The following NAA15 variants were observed in gnomAD, a reference collection of about 807,000 sequenced individuals.
NAA15 encodes N-alpha-acetyltransferase 15, NatA auxiliary subunit.
A neutral mutation model predicts 114.0 loss-of-function variants in NAA15; 34 were observed. The ratio of observed to expected loss-of-function variants is 0.30; its 90% CI spans 0.23 to 0.40. The LOEUF (loss-of-function observed/expected upper bound fraction) is 0.40, where lower values mean the gene tolerates loss of function less well. NAA15 is among the 10% of genes least tolerant of loss of function. The probability of loss-of-function intolerance (pLI) is 1.00; values close to 1 mark genes in which losing one functional copy is unlikely to be tolerated. For missense variants in NAA15, 658 were observed against 1,004.5 expected (o/e 0.66, Z 4.66); for synonymous variants, 340 against 338.0 (o/e 1.01, Z -0.06).
At chr4:139,313,143 A>G (rs548830917) in intron 1 of NAA15, among the ~76,000 whole-genome samples, 3 of 151,988 alleles carry the variant, frequency 2.0e-5, no homozygotes, top group Non-Finnish European at 4.4e-5. Flanking sequence ...TAAAAGGAGA[A>G]GTGAAAGTTT....
At chr4:139,364,796 A>G (rs189052053) in intron 14 of NAA15, among the ~76,000 whole-genome samples, 20 of 152,298 alleles carry the variant, frequency 1.3e-4, no homozygotes, top group South Asian at 6.2e-4. Context: ...TCTTCCAGAA[A>G]GTTTCTGATA....
chr4:139,387,410 C>T (rs1400406034), intron 19 of NAA15, among the ~76,000 whole-genome samples: 1 of 152,186 alleles, frequency 6.6e-6, no homozygotes, highest in Non-Finnish European at 1.5e-5. Context: ...TTAAGTTGCT[C>T]TTTAATTTGA....
At chr4:139,306,390 G>A (rs1486436061) in intron 1 of NAA15, among the ~76,000 whole-genome samples, 2 of 142,288 alleles carry the variant, frequency 1.4e-5, no homozygotes, top group Non-Finnish European at 3.1e-5. Context: ...CACCACACTC[G>A]GCTAATTTTT....
chr4:139,347,955 C>T (rs919635502), intron 6 of NAA15, among the ~76,000 whole-genome samples: 1 of 150,822 alleles, frequency 6.6e-6, no homozygotes, highest in Admixed American at 6.6e-5. Flanking sequence ...TGGCGTGAAC[C>T]CGGGAAGCGG....
intron 15 of NAA15, among the ~76,000 whole-genome samples, chr4:139,370,745 A>G (rs1748413047): frequency 6.6e-6 from 1 of 152,190 alleles, no homozygotes; most frequent in Non-Finnish European, 1.5e-5. Flanking sequence ...TTTCTCATCT[A>G]TAAAATGGAA....
chr4:139,309,636 T>C (rs536508898), intron 1 of NAA15, among the ~76,000 whole-genome samples: 7 of 152,292 alleles, frequency 4.6e-5, no homozygotes, highest in South Asian at 2.1e-4. Context: ...TGAACAAATA[T>C]ATGTTTTTGT....
intron 14 of NAA15, among the ~76,000 whole-genome samples, chr4:139,364,550 CA>C (rs1170691329): frequency 6.6e-6 from 1 of 152,076 alleles, no homozygotes; most frequent in Non-Finnish European, 1.5e-5. Context: ...TCGCTGATTT[CA>C]AATGCTACCT....
At chr4:139,303,952 C>G (rs966369837) in intron 1 of NAA15, among the ~76,000 whole-genome samples, 8 of 152,166 alleles carry the variant, frequency 5.3e-5, no homozygotes, top group Admixed American at 4.6e-4. Context: ...GAGTCTCGCT[C>G]TGTCGCCCAG....
intron 16 of NAA15, 49 bp downstream of exon 16, chr4:139,376,522 CT>C: frequency 8.7e-7 from 1 of 1,149,902 alleles, no homozygotes; most frequent in South Asian, 1.2e-5. Flanking sequence ...CACTGTATTT[CT>C]TAGGTATAGT....
In NAA15 at chr4:139,336,904, TATGA is replaced by T; in HGVS notation, c.199_202del (p.Glu67TrpfsTer6). 6.2e-7 allele frequency: 1 copy of T among 1,604,724 alleles called. No individual in the cohort carries two copies. Among genetic ancestry groups the T allele is most frequent in the Non-Finnish European group, 8.5e-7 (1 of 1,175,274 alleles). On this transcript the variant is annotated frameshift_variant, in exon 3 of 20. Transcript: ENST00000296543. LOFTEE classifies it high-confidence loss of function. ...CTGTTTGGGGAAAAAGGAAGAAGCT[TATGA>T]ATTGGTTCGTAGAGGTTTGAGAAAT... is the stretch of plus-strand genomic sequence containing the variant.
chr4:139,335,562 C>T (rs1309743351), intron 2 of NAA15, among the ~76,000 whole-genome samples: 7 of 151,942 alleles, frequency 4.6e-5, no homozygotes, highest in Non-Finnish European at 1.0e-4. Flanking sequence ...GATGAGGTCT[C>T]ACCATGTTGG....
At chr4:139,346,798 G>T (rs372735451) in intron 6 of NAA15, among the ~76,000 whole-genome samples, 4 of 152,104 alleles carry the variant, frequency 2.6e-5, no homozygotes, top group African/African-American at 9.7e-5. Context: ...TGGGATTATA[G>T]GCGTGAGCCA....
chr4:139,362,524 C>T (rs1019458963), intron 14 of NAA15, among the ~76,000 whole-genome samples: 3 of 151,872 alleles, frequency 2.0e-5, no homozygotes, highest in Non-Finnish European at 2.9e-5. Context: ...CTGCCCACCT[C>T]GGCCTCCCAG....
At chr4:139,338,116 G>A (rs1243768896) in intron 3 of NAA15, among the ~76,000 whole-genome samples, 1 of 152,212 alleles carries the variant, frequency 6.6e-6, no homozygotes, top group Non-Finnish European at 1.5e-5. Context: ...ATTTTTAGGA[G>A]ATGAAGATGA....
chr4:139,357,287 C>A, intron 10 of NAA15, 99 bp from the exon 11 acceptor site: 1 of 977,874 alleles, frequency 1.0e-6, no homozygotes, highest in Middle Eastern at 2.1e-4. Flanking sequence ...AAACTCCTTT[C>A]ATAGTACCTC....
chr4:139,303,153 G>A (rs1745870015), intron 1 of NAA15, among the ~76,000 whole-genome samples: 1 of 152,182 alleles, frequency 6.6e-6, no homozygotes, highest in African/African-American at 2.4e-5. Context: ...ACATTAGAAA[G>A]TCACATGCAG....
chr4:139,346,584 CTT>C (rs1453928151), intron 6 of NAA15, among the ~76,000 whole-genome samples: 4 of 151,054 alleles, frequency 2.6e-5, no homozygotes, highest in African/African-American at 9.8e-5. Flanking sequence ...GAGTTTCACT[CTT>C]GTTTCTCAGG....
chr4:139,301,655 C>G lies in NAA15; in HGVS notation c.-123C>G. The G allele has an allele frequency of 8.5e-7, 1 of 1,171,816 alleles. No individual in the cohort carries two copies. Among genetic ancestry groups the G allele is most frequent in the Admixed American group, 2.3e-5 (1 of 43,690 alleles). The allele number at this position is 1,171,816 out of a possible 1,614,324, so 72.6% of individuals were successfully genotyped here. ...AGGGCAACGCGGCGACACCCGAGGC[C>G]TGGTGGTGGCGGCGGATCGAGATAT... On this transcript the variant is annotated 5_prime_UTR_variant, in exon 1 of 20. Transcript: ENST00000296543.
intron 1 of NAA15, among the ~76,000 whole-genome samples, chr4:139,315,617 C>T (rs756802524): frequency 1.3e-4 from 19 of 151,838 alleles, no homozygotes; most frequent in Non-Finnish European, 2.4e-4. Flanking sequence ...TAGTGAGATA[C>T]GTATACAAGT....
Sources: gnomAD v4.1 joint callset for allele counts (sites outside exome capture counted in the v4.1 genomes callset) on GRCh38, gnomAD v4.1.1 for gene constraint, MANE v1.5 for transcripts, NCBI Gene and HGNC (gene_info 2026-07-23, HGNC 2026-07-21) for gene names.